Variants in ITGB3BP observed in about 807,000 individuals in gnomAD.
ITGB3BP encodes integrin subunit beta 3 binding protein.
Under a neutral mutation model 29.1 loss-of-function variants are expected in ITGB3BP, and 27 were observed. The observed-to-expected ratio is 0.93, with a 90% CI of 0.68 to 1.28. ITGB3BP has a LOEUF of 1.28. ITGB3BP is among the 50% of genes most tolerant of loss of function. The pLI, the probability that ITGB3BP is intolerant of heterozygous loss-of-function variation, is 0.00. For synonymous variants in ITGB3BP, 61 were observed against 61.4 expected (o/e 0.99, Z 0.03); for missense variants, 192 against 200.2 (o/e 0.96, Z 0.25).
At chr1:63,473,276 C>G (rs1353189565) in intron 4 of ITGB3BP, among the ~76,000 whole-genome samples, 1 of 151,502 alleles carries the variant, frequency 6.6e-6, no homozygotes, top group Non-Finnish European at 1.5e-5. Context: ...CCCCTCTGTC[C>G]GGCAGCCACC....
chr1:63,509,236 C>T (rs1011623989), intron 1 of ITGB3BP, among the ~76,000 whole-genome samples: 3 of 152,140 alleles, frequency 2.0e-5, no homozygotes, highest in African/African-American at 7.2e-5. Context: ...GGTGACAATG[C>T]TTAGAAAGGG....
chr1:63,448,506 AT>A (rs1213664553), intron 7 of ITGB3BP, among the ~76,000 whole-genome samples: 1 of 152,034 alleles, frequency 6.6e-6, no homozygotes. Flanking sequence ...ATATTTAATA[AT>A]TACCAAGTCC....
intron 2 of ITGB3BP, among the ~76,000 whole-genome samples, chr1:63,491,920 T>C (rs1310108202): frequency 1.5e-5 from 1 of 64,580 alleles, no homozygotes; most frequent in African/African-American, 3.2e-5. Flanking sequence ...TACCTGTTTG[T>C]ATGTATTCAG....
At chr1:63,489,575 T>C (rs1645602337) in intron 3 of ITGB3BP, among the ~76,000 whole-genome samples, 1 of 151,894 alleles carries the variant, frequency 6.6e-6, no homozygotes, top group Non-Finnish European at 1.5e-5. Flanking sequence ...ATGGAAAAAT[T>C]CTACAAACCT....
upstream of ITGB3BP, among the ~76,000 whole-genome samples, chr1:63,525,377 G>A (rs552652052): frequency 6.6e-6 from 1 of 151,922 alleles, no homozygotes; most frequent in Non-Finnish European, 1.5e-5. Context: ...TATATAATAC[G>A]TCCATATACA....
chr1:63,513,161 T>C (rs1378725838), intron 1 of ITGB3BP, among the ~76,000 whole-genome samples: 2 of 152,214 alleles, frequency 1.3e-5, no homozygotes, highest in African/African-American at 4.8e-5. Flanking sequence ...TCCAATGTAG[T>C]AAATAAGAAA....
chr1:63,447,430 T>C (rs1644802990), intron 7 of ITGB3BP: 1 of 385,428 alleles, frequency 2.6e-6, no homozygotes, highest in African/African-American at 2.1e-5. Context: ...TAGATAAGAC[T>C]TTTTGTTTGT....
intron 1 of ITGB3BP, among the ~76,000 whole-genome samples, chr1:63,519,760 T>C (rs1193122433): frequency 6.6e-6 from 1 of 152,100 alleles, no homozygotes; most frequent in East Asian, 1.9e-4. Context: ...TACCTGGCAG[T>C]AGCATCAAAA....
chr1:63,469,326 A>AT (rs1214314739), intron 4 of ITGB3BP, among the ~76,000 whole-genome samples: 1 of 150,436 alleles, frequency 6.6e-6, no homozygotes, highest in Admixed American at 6.6e-5. Context: ...TATTATTATT[A>AT]TTATTTTTTT....
intron 4 of ITGB3BP, among the ~76,000 whole-genome samples, chr1:63,472,346 C>G (rs1486705016): frequency 6.7e-6 from 1 of 149,392 alleles, no homozygotes; most frequent in African/African-American, 2.5e-5. Flanking sequence ...GGTATCTCTC[C>G]TAGCTATGAT....
At chr1:63,505,193 G>C (rs943519401) in intron 2 of ITGB3BP, among the ~76,000 whole-genome samples, 2 of 152,166 alleles carry the variant, frequency 1.3e-5, no homozygotes, top group Non-Finnish European at 2.9e-5. Context: ...TTCACAGCCT[G>C]TTATTGGTCT....
chr1:63,488,037 A>G lies in ITGB3BP; in HGVS notation c.184+2046T>C, dbSNP rs1345626351. ...AATGTATAAACTAAAGAGTTGAAAC[A>G]AATCCCATGTTTGGCCAATGTAGAA... On this transcript the variant is annotated intron_variant, in intron 3 of 8. Coordinates refer to ENST00000271002, the MANE Select transcript of ITGB3BP (RefSeq NM_014288.5). Among the ~76,000 whole-genome samples, 3 of 152,290 alleles carry G rather than the reference A, an allele frequency of 2.0e-5. No homozygotes were observed. In the South Asian group the frequency reaches 6.2e-4, roughly 32 times the overall value.
chr1:63,478,675 C>T (rs977822507), intron 4 of ITGB3BP, 89 bp downstream of exon 4: 1 of 645,180 alleles, frequency 1.5e-6, no homozygotes, highest in South Asian at 2.0e-5. Flanking sequence ...TTAATTTCTA[C>T]AAATAAATGC....
chr1:63,525,492 C>T, upstream of ITGB3BP: 4 of 1,132,818 alleles, frequency 3.5e-6, no homozygotes, highest in South Asian at 2.3e-5. Flanking sequence ...GATTCTCCTC[C>T]CTGTATTTGA....
intron 2 of ITGB3BP, among the ~76,000 whole-genome samples, chr1:63,503,261 G>C: frequency 6.6e-6 from 1 of 152,050 alleles, no homozygotes; most frequent in East Asian, 1.9e-4. Flanking sequence ...TTCTCTGATG[G>C]CCAGTGATGA....
chr1:63,500,543 G>C (rs188848738), intron 2 of ITGB3BP, among the ~76,000 whole-genome samples: 1 of 152,186 alleles, frequency 6.6e-6, no homozygotes, highest in East Asian at 1.9e-4. Context: ...AGCATAAAAA[G>C]AATAAAATAC....
intron 4 of ITGB3BP, among the ~76,000 whole-genome samples, chr1:63,473,141 G>C (rs1023312215): frequency 2.6e-5 from 4 of 151,822 alleles, no homozygotes; most frequent in African/African-American, 9.7e-5. Context: ...TGTCTGGGAT[G>C]TGAGGACCGC....
At chr1:63,485,050 CTAGTATTTG>C (rs1645501310) in intron 3 of ITGB3BP, among the ~76,000 whole-genome samples, 5 of 151,936 alleles carry the variant, frequency 3.3e-5, no homozygotes, top group Admixed American at 2.0e-4. Context: ...TTTTAAAAAG[CTAGTATTTG>C]CTTTGTTTTC....
intron 2 of ITGB3BP, among the ~76,000 whole-genome samples, chr1:63,495,296 A>C (rs891989850): frequency 6.6e-6 from 1 of 152,244 alleles, no homozygotes; most frequent in South Asian, 2.1e-4. Context: ...ACGTTTAACA[A>C]ATTTAGTCAA....
Sources: allele counts gnomAD v4.1 joint callset (sites outside exome capture counted in the v4.1 genomes callset), GRCh38; gene constraint gnomAD v4.1.1; transcripts MANE v1.5; gene names NCBI Gene and HGNC (gene_info 2026-07-23, HGNC 2026-07-21).